The following COPS8 variants were observed in gnomAD, a reference collection of about 807,000 sequenced individuals.
COPS8 encodes COP9 signalosome subunit 8, also known as COP9 signalosome complex subunit 8.
A neutral mutation model predicts 31.5 loss-of-function variants in COPS8; 11 were observed. The ratio of observed to expected loss-of-function variants is 0.35; its 90% CI spans 0.22 to 0.58. The LOEUF is 0.58. Ranked by LOEUF, COPS8 falls within the 20% of genes least tolerant of loss-of-function variation. The pLI is 0.83. For missense variants in COPS8, 215 were observed against 255.1 expected (o/e 0.84, Z 1.07); for synonymous variants, 81 against 89.3 (o/e 0.91, Z 0.52).
intron 4 of COPS8, among the ~76,000 whole-genome samples, chr2:237,091,250 G>A (rs573822538): frequency 1.2e-4 from 19 of 152,284 alleles, no homozygotes; most frequent in East Asian, 3.9e-4. Context: ...GCTATATAGC[G>A]TACCATGCGG....
Position 237,095,826 on chromosome 2 carries a change from A to G in COPS8, c.444A>G (p.Ile148Met). Residue 148 changes from isoleucine to methionine, a missense_variant, in exon 6 of 8, where the codon ATA (isoleucine) becomes ATG (methionine). Ile to Met is a conservative substitution (Grantham distance 10). Transcript: ENST00000354371. ...GLPVEEAVKG[I>M]LEQGWQADST... ...ATGTGTAATATACTTTTTTAGGCAT[A>G]TTAGAACAAGGATGGCAAGCTGATT... 15 of 1,610,126 alleles carry G rather than the reference A, an allele frequency of 9.3e-6. No individual in the cohort carries two copies. Among genetic ancestry groups the G allele is most frequent in the Non-Finnish European group, 1.1e-5 (13 of 1,176,404 alleles).
chr2:237,093,305 T>A (rs1333283628), intron 4 of COPS8, among the ~76,000 whole-genome samples: 1 of 152,228 alleles, frequency 6.6e-6, no homozygotes, highest in Non-Finnish European at 1.5e-5. Flanking sequence ...GTTTTACATA[T>A]GTACACTGGC....
intron 7 of COPS8, among the ~76,000 whole-genome samples, 174 bp downstream of exon 7, chr2:237,097,043 C>T (rs1298336132): frequency 1.3e-5 from 2 of 152,146 alleles, no homozygotes; most frequent in Admixed American, 1.3e-4. Context: ...AACTGGGCTC[C>T]CCCAGAGCTT....
In COPS8 at chr2:237,098,330, A is replaced by G. The variant is rs1696840641; in HGVS notation, c.*588A>G. Reference sequence around the variant, plus strand: ...TTAGATTTTTTCCAATAGTGTGAGTATATCCATTGCTGGCAGTGGAGGGCT... The same window carrying G: ...TTAGATTTTTTCCAATAGTGTGAGTGTATCCATTGCTGGCAGTGGAGGGCT... On this transcript the variant is annotated 3_prime_UTR_variant, in exon 8 of 8. Transcript: ENST00000354371. The G allele has an allele frequency of 6.6e-6, 1 of 152,394 alleles. No individual in the cohort carries two copies. The highest frequency in any genetic ancestry group is 2.1e-4 in the South Asian group (1 of 4,852). 9.4% of individuals were successfully genotyped at this position (152,394 alleles called of 1,614,324 possible).
Position 237,094,158 on chromosome 2 carries a change from G to T in COPS8, c.400G>T (p.Ala134Ser), listed in dbSNP as rs1696753602. 6.2e-7 allele frequency: 1 copy of T among 1,614,042 alleles called. No homozygotes were observed. Among genetic ancestry groups the T allele is most frequent in the South Asian group, 1.1e-5 (1 of 91,066 alleles). ...TACTTCAATCATCGCCGATGATTTT[G>T]CAGCCTTTGTTGGACTTCCTGTAGA... is the stretch of plus-strand genomic sequence containing the variant. ...AYTSIIADDF[A>S]AFVGLPVEEA... Residue 134 changes from alanine to serine, a missense_variant, in exon 5 of 8, where the codon GCA becomes TCA. By Grantham distance (99) the Ala-to-Ser change is moderately conservative (BLOSUM62 1). Transcript: ENST00000354371.
At chr2:237,088,305 G>A (rs893843376) in intron 2 of COPS8, among the ~76,000 whole-genome samples, 1 of 152,050 alleles carries the variant, frequency 6.6e-6, no homozygotes, top group African/African-American at 2.4e-5. Flanking sequence ...AAATAATTTG[G>A]GCCGTCTATA....
rs1420826452 is a variant in COPS8 at position 237,098,922 on chromosome 2, G to A, written c.*1180G>A. 1 of 152,110 alleles carries A rather than the reference G, an allele frequency of 6.6e-6. No individual in the cohort carries two copies. Among genetic ancestry groups the A allele is most frequent in the Non-Finnish European group, 1.5e-5 (1 of 68,014 alleles). 9.4% of individuals were successfully genotyped at this position (152,110 alleles called of 1,614,324 possible). ...TTGAATTGCAATTTTATTTAACCCG[G>A]ATAGGTAAGTCATATTAAAATTCCT... On this transcript the variant is annotated 3_prime_UTR_variant, in exon 8 of 8. Transcript: ENST00000354371.
rs111878252 is a variant in COPS8, at chr2:237,097,873, A to C, written c.*131A>C. 1.1e-5 allele frequency: 7 copies of C among 617,432 alleles called. No homozygotes were observed. Among genetic ancestry groups the C allele is most frequent in the African/African-American group, 7.4e-5 (4 of 54,052 alleles). 38.2% of individuals were successfully genotyped at this position (617,432 alleles called of 1,614,324 possible). A position where few individuals can be genotyped will look rare whatever the true frequency, so the allele number is the denominator to read the frequency against. On this transcript the variant is annotated 3_prime_UTR_variant, in exon 8 of 8. Transcript: ENST00000354371. ...CATTCCTTACTATGTGATAAAATAC[A>C]TATAGAATATAAGATATACTATATA...
chr2:237,098,882 A>G lies in COPS8; in HGVS notation c.*1140A>G, dbSNP rs1696848487. 6.6e-6 allele frequency: 1 copy of G among 152,198 alleles called. No individual in the cohort carries two copies. The highest frequency in any genetic ancestry group is 2.1e-4 in the South Asian group (1 of 4,830). The allele number at this position is 152,198 out of a possible 1,614,324, so 9.4% of individuals were successfully genotyped here. On this transcript the variant is annotated 3_prime_UTR_variant, in exon 8 of 8. Transcript: ENST00000354371. ...TGGCTATTTCAGTTTTTCTTAACAT[A>G]TATGGGAATACTTTTTGAATTGCAA...
intron 4 of COPS8, 93 bp downstream of exon 4, chr2:237,090,087 A>G (rs1696679760): frequency 7.9e-7 from 1 of 1,271,812 alleles, no homozygotes; most frequent in East Asian, 2.6e-5. Context: ...TGTGTGTTTA[A>G]GTAGATATTT....
chr2:237,099,515 CTTTT>C lies in COPS8; in HGVS notation c.*1776_*1779del, dbSNP rs1176177531. On this transcript the variant is annotated 3_prime_UTR_variant, in exon 8 of 8. Transcript: ENST00000354371. ...GATTAATTTCACAAAATCTTGATATCTTTTTTATTATTAAAAGTATAGATTAAAT... is the reference window on the plus strand; with the variant it reads ...GATTAATTTCACAAAATCTTGATATCTTATTATTAAAAGTATAGATTAAAT... 6.9e-6 allele frequency: 1 copy of C among 145,360 alleles called. No individual in the cohort carries two copies. The highest frequency in any genetic ancestry group is 2.6e-5 in the African/African-American group (1 of 37,948). The allele number at this position is 145,360 out of a possible 1,614,324, so 9.0% of individuals were successfully genotyped here. A position where few individuals can be genotyped will look rare whatever the true frequency, so the allele number is the denominator to read the frequency against.
At chr2:237,086,067 G>A in intron 1 of COPS8, 25 bp downstream of exon 1, 1 of 1,600,664 alleles carries the variant, frequency 6.2e-7, no homozygotes, top group Non-Finnish European at 8.5e-7. Context: ...CGCGCTGGGA[G>A]AAACTGCGGA....
At chr2:237,093,777 C>T in intron 4 of COPS8, 1 of 1,012,582 alleles carries the variant, frequency 9.9e-7, no homozygotes, top group Non-Finnish European at 1.2e-6. Context: ...AATTTATATC[C>T]CCATTGCATA....
At position 237,085,958 on chromosome 2, in the gene COPS8, C is replaced by A. The variant is rs1222871277; in HGVS notation, c.-7C>A. 8.1e-6 allele frequency: 13 copies of A among 1,612,438 alleles called. No individual in the cohort carries two copies. The highest frequency in any genetic ancestry group is 1.3e-5 in the African/African-American group (1 of 75,040). ...CGGACGGTGCAGCGGCGAGGCCGGC[C>A]GCGAAGATGCCAGTGGCGGTGATGG... On this transcript the variant is annotated 5_prime_UTR_variant, in exon 1 of 8. Coordinates refer to ENST00000354371, the MANE Select transcript of COPS8 (RefSeq NM_006710.5).
chr2:237,097,252 T>G (rs1696821868), intron 7 of COPS8, among the ~76,000 whole-genome samples: 1 of 149,616 alleles, frequency 6.7e-6, no homozygotes, highest in African/African-American at 2.5e-5. Flanking sequence ...TTTGGTTTGT[T>G]GACAATTTAA....
At position 237,098,809 on chromosome 2, in the gene COPS8, T is replaced by A. The variant is rs915852393; in HGVS notation, c.*1067T>A. On this transcript the variant is annotated 3_prime_UTR_variant, in exon 8 of 8. Transcript: ENST00000354371. ...AAGTAGAAATGAGTTGTATGGTGAA[T>A]CTGTGTAGTGATAATTATATAATTT... 2 of 152,236 alleles carry A rather than the reference T, an allele frequency of 1.3e-5. No homozygotes were observed. Among genetic ancestry groups the A allele is most frequent in the Non-Finnish European group, 2.9e-5 (2 of 68,042 alleles). The allele number at this position is 152,236 out of a possible 1,614,324, so 9.4% of individuals were successfully genotyped here.
At position 237,085,925 on chromosome 2, in the gene COPS8, T is replaced by A. The variant is rs753517780; in HGVS notation, c.-40T>A. 2 of 1,593,084 alleles carry A rather than the reference T, an allele frequency of 1.3e-6. No homozygotes were observed. Among genetic ancestry groups the A allele is most frequent in the Non-Finnish European group, 1.7e-6 (2 of 1,165,724 alleles). ...GACGCCTGAGGGACAGTCTGGGGTTTGGCTGTCCGGACGGTGCAGCGGCGA... is the reference window on the plus strand; with the variant it reads ...GACGCCTGAGGGACAGTCTGGGGTTAGGCTGTCCGGACGGTGCAGCGGCGA... On this transcript the variant is annotated 5_prime_UTR_variant, in exon 1 of 8. Coordinates refer to ENST00000354371, the MANE Select transcript of COPS8 (RefSeq NM_006710.5).
chr2:237,096,305 A>G (rs1272820393), intron 6 of COPS8, among the ~76,000 whole-genome samples: 1 of 152,118 alleles, frequency 6.6e-6, no homozygotes, highest in Non-Finnish European at 1.5e-5. Flanking sequence ...CACAGAGTTA[A>G]CTTCTCTAGC....
At chr2:237,092,843 C>T (rs184998424) in intron 4 of COPS8, among the ~76,000 whole-genome samples, 25 of 152,240 alleles carry the variant, frequency 1.6e-4, no homozygotes, top group Admixed American at 7.2e-4. Flanking sequence ...GTGTTGGAGT[C>T]GTGCCCCATT....
Sources: allele counts gnomAD v4.1 joint callset (sites outside exome capture counted in the v4.1 genomes callset), GRCh38; gene constraint gnomAD v4.1.1; transcripts MANE v1.5; gene names NCBI Gene and HGNC (gene_info 2026-07-23, HGNC 2026-07-21).